The following AK9 variants were observed in gnomAD, a reference collection of about 807,000 sequenced individuals.
The protein encoded by AK9 is adenylate kinase 9.
In AK9, 191 loss-of-function variants were observed where a neutral mutation model predicts 239.6. That is an observed-to-expected ratio of 0.80 (90% confidence interval 0.71 to 0.90). AK9 has a LOEUF of 0.90. AK9 is among the 40% of genes least tolerant of loss of function. The pLI, the probability that AK9 is intolerant of heterozygous loss-of-function variation, is 0.00. For synonymous variants in AK9, 689 were observed against 721.0 expected (o/e 0.96, Z 0.71); for missense variants, 1,995 against 2,214.7 (o/e 0.90, Z 1.99).
intron 21 of AK9, among the ~76,000 whole-genome samples, chr6:109,570,730 G>A (rs935178909): frequency 2.6e-5 from 4 of 152,120 alleles, no homozygotes; most frequent in Non-Finnish European, 5.9e-5. Context: ...AGAAACAATA[G>A]TTATCTGACC....
intron 1 of AK9, among the ~76,000 whole-genome samples, chr6:109,685,058 T>C (rs913109112): frequency 6.6e-6 from 1 of 151,814 alleles, no homozygotes; most frequent in African/African-American, 2.4e-5. Context: ...AGAATGGCAA[T>C]CATTAAAAAG....
intron 6 of AK9, among the ~76,000 whole-genome samples, chr6:109,662,264 G>T (rs1399473008): frequency 6.6e-6 from 1 of 152,154 alleles, no homozygotes; most frequent in East Asian, 1.9e-4. Context: ...AGAAAGAGAG[G>T]TGGTGGAGCG....
At chr6:109,614,654 T>C (rs532742799) in intron 13 of AK9, among the ~76,000 whole-genome samples, 174 bp from the exon 14 acceptor site, 1 of 152,304 alleles carries the variant, frequency 6.6e-6, no homozygotes, top group South Asian at 2.1e-4. Flanking sequence ...TCTCAATTTC[T>C]AGGCAAAATG....
chr6:109,622,720 A>G (rs1009601285), intron 12 of AK9, among the ~76,000 whole-genome samples: 1 of 150,096 alleles, frequency 6.7e-6, no homozygotes, highest in Non-Finnish European at 1.5e-5. Flanking sequence ...TATAACACAC[A>G]TATTATATAT....
chr6:109,536,807 G>A (rs1475192979), intron 27 of AK9, among the ~76,000 whole-genome samples: 1 of 152,100 alleles, frequency 6.6e-6, no homozygotes, highest in Non-Finnish European at 1.5e-5. Context: ...AGAGTGTTTA[G>A]CATGAAGGGC....
chr6:109,623,148 GATTT>G (rs1795080416), intron 12 of AK9, among the ~76,000 whole-genome samples: 1 of 151,746 alleles, frequency 6.6e-6, no homozygotes, highest in African/African-American at 2.4e-5. Context: ...TCTGCATATT[GATTT>G]GTCTTTTTAT....
intron 12 of AK9, 147 bp downstream of exon 12, chr6:109,632,776 T>C (rs982784733): frequency 7.3e-7 from 1 of 1,362,054 alleles, no homozygotes; most frequent in African/African-American, 1.5e-5. Context: ...GTGGAACAAT[T>C]ATTCAATTAA....
At chr6:109,587,738 A>G (rs1789699263) in intron 17 of AK9, among the ~76,000 whole-genome samples, 1 of 152,230 alleles carries the variant, frequency 6.6e-6, no homozygotes, top group Non-Finnish European at 1.5e-5. Flanking sequence ...TATTGTTAAT[A>G]GCGCTGCAAT....
intron 21 of AK9, among the ~76,000 whole-genome samples, chr6:109,569,301 A>C (rs2128190580): frequency 6.6e-6 from 1 of 152,364 alleles, no homozygotes; most frequent in African/African-American, 2.4e-5. Context: ...AAAGACTTAA[A>C]TGTTAGACCT....
At chr6:109,672,882 T>G (rs748911484) in intron 3 of AK9, among the ~76,000 whole-genome samples, 1 of 152,184 alleles carries the variant, frequency 6.6e-6, no homozygotes, top group Non-Finnish European at 1.5e-5. Flanking sequence ...CAGATTTTCA[T>G]AACCATACAA....
rs566049305 is a variant in AK9, at chr6:109,651,081, T to C, written c.759+5675A>G. Among the ~76,000 whole-genome samples the C allele has an allele frequency of 2.0e-5, 3 of 150,310 alleles. No homozygotes were observed. In the South Asian group the frequency reaches 6.4e-4, roughly 32 times the overall value. On this transcript the variant is annotated intron_variant, in intron 8 of 40. Transcript: ENST00000424296. Reference sequence around the variant, plus strand: ...GAACATCACACACCGGGGACTGTTGTGGGGTGGGGGTAGTGGGGAGGGATA... The same window carrying C: ...GAACATCACACACCGGGGACTGTTGCGGGGTGGGGGTAGTGGGGAGGGATA...
intron 12 of AK9, among the ~76,000 whole-genome samples, chr6:109,620,222 A>G (rs886596803): frequency 6.6e-6 from 1 of 152,030 alleles, no homozygotes; most frequent in Admixed American, 6.6e-5. Context: ...TAACTTTATA[A>G]TAAACCATCA....
intron 5 of AK9, 46 bp from the exon 6 acceptor site, chr6:109,662,709 A>AT: frequency 1.0e-6 from 1 of 993,028 alleles, no homozygotes; most frequent in Non-Finnish European, 1.4e-6. Flanking sequence ...AATTATCAAC[A>AT]TATGAGGGCA....
intron 1 of AK9, among the ~76,000 whole-genome samples, chr6:109,677,341 A>T (rs1161201224): frequency 6.6e-6 from 1 of 152,222 alleles, no homozygotes; most frequent in Non-Finnish European, 1.5e-5. Context: ...ATAATTGCAC[A>T]AATCTATAAA....
At chr6:109,588,388 GTCT>G (rs1477464523) in intron 17 of AK9, among the ~76,000 whole-genome samples, 5 of 152,136 alleles carry the variant, frequency 3.3e-5, no homozygotes, top group Non-Finnish European at 5.9e-5. Context: ...CTTCTTGTAT[GTCT>G]TCTTTTCAGA....
intron 17 of AK9, among the ~76,000 whole-genome samples, chr6:109,590,124 AG>A (rs1696105941): frequency 6.6e-6 from 1 of 152,158 alleles, no homozygotes; most frequent in Non-Finnish European, 1.5e-5. Flanking sequence ...GTTTTGGAAC[AG>A]TTTTAGTAGA....
In AK9 at chr6:109,585,999, A is replaced by T; in HGVS notation, c.1916T>A (p.Ile639Asn). 6.4e-7 allele frequency: 1 copy of T among 1,551,510 alleles called. No homozygotes were observed. Among genetic ancestry groups the T allele is most frequent in the Non-Finnish European group, 8.7e-7 (1 of 1,146,920 alleles). ...YGGWIVDNCP[I>N]VKELWMALIK... ...TAAGGCCATCCACAATTCTTTTACA[A>T]TAGGGCAGTTGTCCACAATCCAGCC... The change falls in exon 18 of 41, where the codon ATT becomes AAT. Residue 639 changes from isoleucine to asparagine, a missense_variant. By Grantham distance (149) the Ile-to-Asn change is moderately radical. This residue lies in a region of AK9 where 1,290 missense variants were observed against 1,392.7 expected (regional missense o/e 0.93). Transcript: ENST00000424296.
At chr6:109,535,238 C>T (rs192858080) in intron 27 of AK9, among the ~76,000 whole-genome samples, 6 of 152,314 alleles carry the variant, frequency 3.9e-5, no homozygotes, top group African/African-American at 1.4e-4. Context: ...TAAAAGCATT[C>T]CTATTTCTCC....
intron 17 of AK9, among the ~76,000 whole-genome samples, chr6:109,591,146 TG>T (rs1235859997): frequency 6.6e-6 from 1 of 152,106 alleles, no homozygotes; most frequent in Non-Finnish European, 1.5e-5. Flanking sequence ...ATTGCATTGC[TG>T]TCTTTCTCTT....
Sources: gnomAD v4.1 joint callset for allele counts (sites outside exome capture counted in the v4.1 genomes callset) on GRCh38, gnomAD v4.1.1 for gene constraint, gnomAD v4.1.1 regional missense constraint, MANE v1.5 for transcripts, NCBI Gene and HGNC (gene_info 2026-07-23, HGNC 2026-07-21) for gene names.